Variants in PPP2R2A observed in about 807,000 individuals in gnomAD.
PPP2R2A encodes serine/threonine-protein phosphatase 2A 55 kDa regulatory subunit B alpha isoform.
In PPP2R2A, 9 loss-of-function variants were observed where a neutral mutation model predicts 53.2. The ratio of observed to expected loss-of-function variants is 0.17; its 90% CI spans 0.10 to 0.30. The LOEUF is 0.30. Among genes scored for constraint, PPP2R2A ranks in the 10% least tolerant of loss-of-function variants. The pLI is 1.00. For missense variants in PPP2R2A, 235 were observed against 534.6 expected (o/e 0.44, Z 5.53); for synonymous variants, 169 against 174.2 (o/e 0.97, Z 0.23).
intron 3 of PPP2R2A, among the ~76,000 whole-genome samples, chr8:26,342,454 T>A (rs986461707): frequency 2.0e-5 from 3 of 152,180 alleles, no homozygotes; most frequent in Non-Finnish European, 4.4e-5. Flanking sequence ...GGATTTTTGT[T>A]GTTTCCATGG....
rs1804696215 is a variant in PPP2R2A, at chr8:26,354,994, A to G, written c.346+361A>G. On this transcript the variant is annotated intron_variant, in intron 4 of 9. Coordinates refer to ENST00000380737, the MANE Select transcript of PPP2R2A (RefSeq NM_002717.4). The surrounding 1 kb of genome is among the most constrained non-coding windows in gnomAD (Gnocchi z 4.6). ...AAACTAGAGATAGCAATTTTTTATT[A>G]TAGTATTATTATGAATATTAAATAA... 6.6e-6 allele frequency among the ~76,000 whole-genome samples: 1 copy of G among 152,220 alleles called. No individual in the cohort carries two copies. The highest frequency in any genetic ancestry group is 1.5e-5 in the Non-Finnish European group (1 of 68,036).
In PPP2R2A at chr8:26,357,599, A is replaced by G. The variant is rs1278343882; in HGVS notation, c.347-2570A>G. 2.6e-5 allele frequency among the ~76,000 whole-genome samples: 4 copies of G among 152,148 alleles called. No homozygotes were observed. In the South Asian group the frequency reaches 8.3e-4, roughly 32 times the overall value. ...CAGAAAACATGAAACTGACCTGTCA[A>G]CCATGAGTGTTACATATATGAATAA... On this transcript the variant is annotated intron_variant, in intron 4 of 9. Coordinates refer to ENST00000380737, the MANE Select transcript of PPP2R2A (RefSeq NM_002717.4).
In PPP2R2A at chr8:26,372,329, T is replaced by TTTG; in HGVS notation, c.*1917_*1918insTGT. The TTTG allele has an allele frequency of 6.6e-6, 1 of 152,226 alleles. No individual in the cohort carries two copies. Among genetic ancestry groups the TTTG allele is most frequent in the Non-Finnish European group, 1.5e-5 (1 of 68,044 alleles). 9.4% of individuals were successfully genotyped at this position (152,226 alleles called of 1,614,324 possible). ...CTGCCACAAGTGTCAAACAGTGATATTCTTCCTGTGTTGTGACTGGACAGT... is the reference window on the plus strand; with the variant it reads ...CTGCCACAAGTGTCAAACAGTGATATTTGTCTTCCTGTGTTGTGACTGGACAGT... On this transcript the variant is annotated 3_prime_UTR_variant, in exon 10 of 10. Transcript: ENST00000380737.
chr8:26,346,285 C>CGT (rs1202479067), intron 3 of PPP2R2A, among the ~76,000 whole-genome samples: 2 of 152,012 alleles, frequency 1.3e-5, no homozygotes, highest in Non-Finnish European at 2.9e-5. Flanking sequence ...GGATTACAGA[C>CGT]GTGCACCACC....
In PPP2R2A at chr8:26,311,257, A is replaced by G. The variant is rs975026991; in HGVS notation, c.82+17517A>G. On this transcript the variant is annotated intron_variant, in intron 2 of 9. Coordinates refer to ENST00000380737, the MANE Select transcript of PPP2R2A (RefSeq NM_002717.4). ...TAGTTATTTTTCTATCTGATACCCA[A>G]TTAACAGAATTAACAGTTGATAGCA... Among the ~76,000 whole-genome samples the G allele has an allele frequency of 3.3e-5, 5 of 152,322 alleles. No individual in the cohort carries two copies. The East Asian group carries it at 7.7e-4, about 24-fold the overall frequency.
At chr8:26,339,031 G>C (rs768563173) in intron 3 of PPP2R2A, 44 bp downstream of exon 3, 3 of 1,409,252 alleles carry the variant, frequency 2.1e-6, no homozygotes, top group South Asian at 1.2e-5. Flanking sequence ...TTTGATCTTA[G>C]GACTAGAGCT....
chr8:26,312,974 A>G (rs1046227741), intron 2 of PPP2R2A, among the ~76,000 whole-genome samples: 1 of 151,676 alleles, frequency 6.6e-6, no homozygotes, highest in African/African-American at 2.4e-5. Flanking sequence ...ACCTGTCCTC[A>G]TCTTGATCCA....
intron 9 of PPP2R2A, among the ~76,000 whole-genome samples, chr8:26,369,518 G>T (rs965708020): frequency 3.9e-5 from 6 of 152,096 alleles, no homozygotes; most frequent in Admixed American, 2.6e-4. Flanking sequence ...AGCCTCCCGA[G>T]TAGTTGGGAC....
At chr8:26,341,592 G>T (rs1374157882) in intron 3 of PPP2R2A, among the ~76,000 whole-genome samples, 1 of 152,174 alleles carries the variant, frequency 6.6e-6, no homozygotes, top group Non-Finnish European at 1.5e-5. Flanking sequence ...AATCAGGTTA[G>T]GATTTGGGTC....
intron 2 of PPP2R2A, among the ~76,000 whole-genome samples, chr8:26,326,452 G>C (rs921731108): frequency 1.3e-5 from 2 of 152,102 alleles, no homozygotes; most frequent in Admixed American, 1.3e-4. Flanking sequence ...TTGCCTCTTT[G>C]TTTTCAGTTT....
At chr8:26,332,363 C>CAAAAA (rs3070132) in intron 2 of PPP2R2A, among the ~76,000 whole-genome samples, 1 of 90,996 alleles carries the variant, frequency 1.1e-5, no homozygotes. Flanking sequence ...TCTTTTGTCT[C>CAAAAA]AAAAAAAAAA....
At chr8:26,330,529 T>C (rs950461569) in intron 2 of PPP2R2A, among the ~76,000 whole-genome samples, 2 of 151,972 alleles carry the variant, frequency 1.3e-5, no homozygotes, top group Non-Finnish European at 2.9e-5. Context: ...CAGGGTTTCA[T>C]ACGTTGGCCA....
In PPP2R2A at chr8:26,293,130, T is replaced by C; in HGVS notation, c.8-536T>C. The C allele has an allele frequency of 3.7e-6, 4 of 1,091,388 alleles. No individual in the cohort carries two copies. The South Asian group carries it at 6.3e-5, about 17-fold the overall frequency. The allele number at this position is 1,091,388 out of a possible 1,614,324, so 67.6% of individuals were successfully genotyped here. ...GCATTCATTTCGGTTTCTTTTCCTC[T>C]CTGTCTGGAGCCAGTGATTTGCTGG... is the stretch of plus-strand genomic sequence containing the variant. On this transcript the variant is annotated intron_variant, in intron 1 of 9. Coordinates refer to ENST00000380737, the MANE Select transcript of PPP2R2A (RefSeq NM_002717.4).
chr8:26,305,190 T>C (rs1307002333), intron 2 of PPP2R2A, among the ~76,000 whole-genome samples: 1 of 152,234 alleles, frequency 6.6e-6, no homozygotes, highest in Non-Finnish European at 1.5e-5. Context: ...GACTGGCTTA[T>C]TTCATAATGT....
At chr8:26,320,402 A>G (rs1359633485) in intron 2 of PPP2R2A, among the ~76,000 whole-genome samples, 1 of 152,288 alleles carries the variant, frequency 6.6e-6, no homozygotes, top group Middle Eastern at 3.4e-3. Flanking sequence ...TGAATAAGCT[A>G]TTGGGAGAGG....
intron 2 of PPP2R2A, among the ~76,000 whole-genome samples, chr8:26,306,827 G>T (rs1252263243): frequency 1.3e-5 from 2 of 152,112 alleles, no homozygotes; most frequent in African/African-American, 4.8e-5. Flanking sequence ...TTGGGTGACA[G>T]AAAAAATTAA....
At position 26,358,404 on chromosome 8, in the gene PPP2R2A, A is replaced by G. The variant is rs1218148351; in HGVS notation, c.347-1765A>G. Among the ~76,000 whole-genome samples the G allele has an allele frequency of 4.6e-5, 7 of 152,344 alleles. No individual in the cohort carries two copies. In the East Asian group the frequency reaches 1.3e-3, roughly 29 times the overall value. ...TCATATCTATCTATAAATCATATAC[A>G]TATATAAACTAAATAACACATAGAA... On this transcript the variant is annotated intron_variant, in intron 4 of 9. Transcript: ENST00000380737.
chr8:26,314,901 C>A (rs1226148858), intron 2 of PPP2R2A, among the ~76,000 whole-genome samples: 1 of 143,288 alleles, frequency 7.0e-6, no homozygotes, highest in Non-Finnish European at 1.5e-5. Flanking sequence ...CCCCCCCCCC[C>A]CCAACTATTT....
intron 2 of PPP2R2A, among the ~76,000 whole-genome samples, chr8:26,328,197 C>CAT: frequency 6.6e-6 from 1 of 152,232 alleles, no homozygotes; most frequent in East Asian, 1.9e-4. Flanking sequence ...TAGTCATAAC[C>CAT]ATATATGTCA....
Sources: gnomAD v4.1 joint callset for allele counts (sites outside exome capture counted in the v4.1 genomes callset) on GRCh38, gnomAD v4.1.1 for gene constraint, Gnocchi (gnomAD v3.1) non-coding constraint, MANE v1.5 for transcripts, NCBI Gene and HGNC (gene_info 2026-07-23, HGNC 2026-07-21) for gene names.